CSMD1: variants seen among roughly 807,000 people sequenced by gnomAD.
The protein encoded by CSMD1 is CUB and Sushi multiple domains 1, also known as CUB and sushi domain-containing protein 1.
CSMD1 carries 213 observed loss-of-function variants against 417.5 expected under a neutral mutation model. The ratio of observed to expected loss-of-function variants is 0.51; its 90% CI spans 0.46 to 0.57. CSMD1 has a LOEUF of 0.57. CSMD1 is among the 20% of genes least tolerant of loss of function. The pLI is 0.00. For synonymous variants in CSMD1, 2,862 were observed against 1,736.8 expected (o/e 1.65, Z -16.11); for missense variants, 6,923 against 4,529.7 (o/e 1.53, Z -15.17).
At chr8:3,195,209 T>G (rs183243744) in intron 33 of CSMD1, among the ~76,000 whole-genome samples, 1 of 152,096 alleles carries the variant, frequency 6.6e-6, no homozygotes, top group Non-Finnish European at 1.5e-5. Flanking sequence ...ACATGAAGGT[T>G]TACTGAGACA....
intron 11 of CSMD1, among the ~76,000 whole-genome samples, chr8:3,477,832 C>T (rs1445018061): frequency 6.6e-6 from 1 of 152,132 alleles, no homozygotes; most frequent in East Asian, 1.9e-4. Flanking sequence ...GCCGGGTTCC[C>T]AGGACATGGT....
At chr8:3,811,691 T>A (rs1170392920) in intron 5 of CSMD1, among the ~76,000 whole-genome samples, 1 of 151,998 alleles carries the variant, frequency 6.6e-6, no homozygotes, top group Non-Finnish European at 1.5e-5. Flanking sequence ...ACTAGATGGA[T>A]GTTTGTTTTT....
At chr8:3,275,120 C>T (rs1802179390) in intron 26 of CSMD1, among the ~76,000 whole-genome samples, 1 of 152,050 alleles carries the variant, frequency 6.6e-6, no homozygotes, top group African/African-American at 2.4e-5. Context: ...TTAGTGAAGG[C>T]CTGGTAGTGA....
rs546208843 is a variant in CSMD1 at position 3,045,794 on chromosome 8, C to T, written c.7660+6668G>A. Among the ~76,000 whole-genome samples the T allele has an allele frequency of 5.1e-4, 77 of 152,292 alleles. 1 individual carries two copies. The highest frequency in any genetic ancestry group is 1.8e-3 in the African/African-American group (76 of 41,562). On this transcript the variant is annotated intron_variant, in intron 50 of 69. Coordinates refer to ENST00000635120, the MANE Select transcript of CSMD1 (RefSeq NM_033225.6). ...CTACTTACTGTATCCATGACCTTCA[C>T]CAAATTACTCAACTCATGCCTTCTT...
rs1180569417 is a variant in CSMD1, at chr8:3,000,071, C to T, written c.8090G>A (p.Ser2697Asn). 1.9e-6 allele frequency: 3 copies of T among 1,602,288 alleles called. No individual in the cohort carries two copies. The change falls in exon 53 of 70, where the codon AGT becomes AAT. Residue 2697 changes from serine (S) to asparagine (N), a missense_variant. By Grantham distance (46) the Ser-to-Asn change is conservative. Transcript: ENST00000635120. ...VNGHISGDGF[S>N]YRDTVVYQCN... ...CTGGTAAACCACCGTGTCTCTGTAA[C>T]TGAAGCCATCTCCACTAATGTGACC...
chr8:3,027,061 T>G (rs1809984062), intron 51 of CSMD1, among the ~76,000 whole-genome samples: 1 of 151,992 alleles, frequency 6.6e-6, no homozygotes. Context: ...AAACCTATGC[T>G]CCAAAAAGAG....
intron 12 of CSMD1, among the ~76,000 whole-genome samples, chr8:3,435,244 T>A (rs78716899): frequency 0.01 from 1,525 of 152,278 alleles, 44 homozygotes; most frequent in East Asian, 0.092. Context: ...GAAAATAGTA[T>A]CCCTGACAGT....
intron 3 of CSMD1, among the ~76,000 whole-genome samples, chr8:4,331,951 G>C (rs1799891332): frequency 6.6e-6 from 1 of 152,036 alleles, no homozygotes; most frequent in South Asian, 2.1e-4. Context: ...CATGGCATTG[G>C]AATTCATTTT....
At chr8:3,291,709 TTC>T (rs199682034) in intron 25 of CSMD1, among the ~76,000 whole-genome samples, 4,197 of 152,268 alleles carry the variant, frequency 0.028, 193 homozygotes, top group African/African-American at 0.092. Context: ...TATTTGATTC[TTC>T]TCTCTTTTCT....
chr8:3,667,587 C>T (rs560326077), intron 7 of CSMD1, among the ~76,000 whole-genome samples: 6 of 152,042 alleles, frequency 3.9e-5, no homozygotes, highest in African/African-American at 1.2e-4. Context: ...AACATAAACA[C>T]CTGAGATGAT....
intron 2 of CSMD1, among the ~76,000 whole-genome samples, chr8:4,604,032 A>G (rs944920826): frequency 6.6e-6 from 1 of 152,142 alleles, no homozygotes; most frequent in Non-Finnish European, 1.5e-5. Flanking sequence ...CTGGAAAGAT[A>G]TGTATCAGTT....
intron 3 of CSMD1, among the ~76,000 whole-genome samples, chr8:4,404,867 T>A (rs181698763): frequency 2.8e-4 from 43 of 152,308 alleles, no homozygotes; most frequent in Middle Eastern, 3.4e-3. Context: ...CAGCCACACT[T>A]CCATGCACTT....
At chr8:4,283,606 G>C (rs192496996) in intron 3 of CSMD1, among the ~76,000 whole-genome samples, 3 of 152,158 alleles carry the variant, frequency 2.0e-5, no homozygotes, top group African/African-American at 7.2e-5. Context: ...CAGGTCCTTG[G>C]GGACACGAAA....
chr8:3,340,527 C>T (rs574857280), intron 23 of CSMD1, among the ~76,000 whole-genome samples: 1 of 152,192 alleles, frequency 6.6e-6, no homozygotes, highest in East Asian at 1.9e-4. Flanking sequence ...GAGGCAATTA[C>T]AAAAGTCTTT....
chr8:3,267,135 C>T (rs899634892), intron 26 of CSMD1, among the ~76,000 whole-genome samples: 3 of 152,088 alleles, frequency 2.0e-5, no homozygotes, highest in Non-Finnish European at 2.9e-5. Context: ...AGAGGTCGTC[C>T]CGCGGCAGCC....
intron 3 of CSMD1, among the ~76,000 whole-genome samples, chr8:4,129,278 A>G (rs1274491077): frequency 1.3e-5 from 2 of 152,052 alleles, no homozygotes; most frequent in Non-Finnish European, 2.9e-5. Context: ...TCTGCTGTCA[A>G]CAAAACTAGC....
chr8:3,566,642 G>C lies in CSMD1; in HGVS notation c.1344+8303C>G, dbSNP rs1453265843. Among the ~76,000 whole-genome samples, 3 of 151,688 alleles carry C rather than the reference G, an allele frequency of 2.0e-5. No homozygotes were observed. In the East Asian group the frequency reaches 5.8e-4, roughly 29 times the overall value. On this transcript the variant is annotated intron_variant, in intron 10 of 69. Coordinates refer to ENST00000635120, the MANE Select transcript of CSMD1 (RefSeq NM_033225.6). ...AGATATGAACAGACACTTTTCAAAAGAATATATACATTCAGCTAAGAAGCA... is the reference window on the plus strand; with the variant it reads ...AGATATGAACAGACACTTTTCAAAACAATATATACATTCAGCTAAGAAGCA...
chr8:3,369,164 T>C, intron 19 of CSMD1, 90 bp downstream of exon 19: 2 of 634,184 alleles, frequency 3.2e-6, no homozygotes, highest in Middle Eastern at 2.7e-4. Context: ...GTTATCTCAC[T>C]TGTTTACACC....
At chr8:4,441,693 T>C (rs149753446) in intron 2 of CSMD1, among the ~76,000 whole-genome samples, 58 of 152,288 alleles carry the variant, frequency 3.8e-4, no homozygotes, top group African/African-American at 1.3e-3. Context: ...ATCTTTCAAA[T>C]ACCAATTAAA....
Sources: allele counts gnomAD v4.1 joint callset (sites outside exome capture counted in the v4.1 genomes callset), GRCh38; gene constraint gnomAD v4.1.1; transcripts MANE v1.5; gene names NCBI Gene and HGNC (gene_info 2026-07-23, HGNC 2026-07-21).